Variants in CCNYL1 observed in about 807,000 individuals in gnomAD.
CCNYL1 encodes cyclin Y like 1.
Under a neutral mutation model 44.2 loss-of-function variants are expected in CCNYL1, and 16 were observed. The ratio of observed to expected loss-of-function variants is 0.36; its 90% confidence interval spans 0.25 to 0.55. The LOEUF (loss-of-function observed/expected upper bound fraction) is 0.55, where lower values mean the gene tolerates loss of function less well. Among genes scored for constraint, CCNYL1 ranks in the 20% least tolerant of loss-of-function variants. The probability of loss-of-function intolerance (pLI) is 0.85; values close to 1 mark genes in which losing one functional copy is unlikely to be tolerated. For synonymous variants in CCNYL1, 159 were observed against 163.2 expected, an observed-to-expected ratio of 0.97 and a Z score of 0.20; for missense variants, 348 against 451.8, an observed-to-expected ratio of 0.77 and a Z score of 2.08.
intron 1 of CCNYL1, among the ~76,000 whole-genome samples, chr2:207,716,062 G>T (rs938946378): frequency 6.6e-6 from 1 of 152,058 alleles, no homozygotes; most frequent in Admixed American, 6.6e-5. Flanking sequence ...TTTATTTAAC[G>T]GTATGTCTAA....
chr2:207,743,588 A>AAAAAG (rs1231833090), intron 7 of CCNYL1, among the ~76,000 whole-genome samples: 3 of 152,268 alleles, frequency 2.0e-5, no homozygotes, highest in African/African-American at 7.2e-5. Flanking sequence ...CCATCTCTAA[A>AAAAAG]AAAAGAAAAG....
intron 3 of CCNYL1, among the ~76,000 whole-genome samples, chr2:207,729,836 C>G (rs2091712635): frequency 6.6e-6 from 1 of 152,004 alleles, no homozygotes; most frequent in South Asian, 2.1e-4. Context: ...GTGCCTCGGT[C>G]TCTTGAGTGG....
intron 8 of CCNYL1, 78 bp downstream of exon 8, chr2:207,747,291 T>C (rs2091861145): frequency 8.4e-6 from 11 of 1,302,312 alleles, no homozygotes; most frequent in Non-Finnish European, 1.2e-5. Flanking sequence ...ATTTAAGGAA[T>C]ATTTTTAAAG....
intron 8 of CCNYL1, among the ~76,000 whole-genome samples, chr2:207,748,146 T>C (rs1179677390): frequency 6.6e-6 from 1 of 152,206 alleles, no homozygotes; most frequent in East Asian, 1.9e-4. Flanking sequence ...CCTTGAGATA[T>C]GAAGATCCCT....
Position 207,717,406 on chromosome 2 carries a change from GCTGTGTTCCAGA to G in CCNYL1, c.220+5291_220+5302del, listed in dbSNP as rs2091605377. On this transcript the variant is annotated intron_variant, in intron 1 of 9. Coordinates refer to ENST00000295414, the MANE Select transcript of CCNYL1 (RefSeq NM_001330218.2). ...TTATTGAGTACCTTTAGGTGGCCAG[GCTGTGTTCCAGA>G]TTTAGGGCAGACAGTGGTATACAAG... Among the ~76,000 whole-genome samples the G allele has an allele frequency of 2.0e-5, 3 of 152,158 alleles. 1 individual carries two copies. The South Asian group carries it at 6.2e-4, about 32-fold the overall frequency.
Position 207,754,855 on chromosome 2 carries a change from A to G in CCNYL1, c.*1157A>G, listed in dbSNP as rs2091919555. On this transcript the variant is annotated 3_prime_UTR_variant, in exon 10 of 10. Transcript: ENST00000295414. ...CGGTCACTCTTGATAGCAGACATTG[A>G]CTGAAACAAAAAATTAAAAGCTTTA... is the stretch of plus-strand genomic sequence containing the variant. The G allele has an allele frequency of 6.5e-6, 1 of 153,032 alleles. No homozygotes were observed. The highest frequency in any genetic ancestry group is 2.4e-5 in the African/African-American group (1 of 41,422). 9.5% of individuals were successfully genotyped at this position (153,032 alleles called of 1,614,324 possible). A position where few individuals can be genotyped will look rare whatever the true frequency, so the allele number is the denominator to read the frequency against.
intron 1 of CCNYL1, among the ~76,000 whole-genome samples, chr2:207,713,454 G>T (rs1222824424): frequency 6.6e-6 from 1 of 152,182 alleles, no homozygotes; most frequent in Non-Finnish European, 1.5e-5. Context: ...CGTTGAGGTA[G>T]GGGTGAGGGG....
chr2:207,742,439 C>A, intron 7 of CCNYL1, 97 bp downstream of exon 7: 1 of 1,133,290 alleles, frequency 8.8e-7, no homozygotes, highest in Non-Finnish European at 1.2e-6. Context: ...CTGAAATTAT[C>A]ATCAGAACTT....
chr2:207,751,966 C>A (rs1046202464), intron 9 of CCNYL1, among the ~76,000 whole-genome samples: 1 of 151,540 alleles, frequency 6.6e-6, no homozygotes, highest in African/African-American at 2.4e-5. Flanking sequence ...ACCTGGGAGG[C>A]GGAGGTTGCA....
At chr2:207,747,346 T>C in intron 8 of CCNYL1, 133 bp downstream of exon 8, 1 of 664,200 alleles carries the variant, frequency 1.5e-6, no homozygotes, top group Non-Finnish European at 2.4e-6. Flanking sequence ...ACTATATCTG[T>C]CTATCTTTAG....
intron 8 of CCNYL1, among the ~76,000 whole-genome samples, chr2:207,748,101 T>A (rs2091867623): frequency 6.6e-6 from 1 of 152,176 alleles, no homozygotes; most frequent in African/African-American, 2.4e-5. Flanking sequence ...TGCTAGTCTT[T>A]CCACATTTTA....
chr2:207,723,140 A>G (rs1160212440), intron 1 of CCNYL1, among the ~76,000 whole-genome samples: 2 of 152,210 alleles, frequency 1.3e-5, no homozygotes, highest in Non-Finnish European at 2.9e-5. Flanking sequence ...AGTTTCCTCT[A>G]AAAGCAGTTT....
At chr2:207,725,278 C>T (rs1429282948) in intron 2 of CCNYL1, among the ~76,000 whole-genome samples, 2 of 152,150 alleles carry the variant, frequency 1.3e-5, no homozygotes, top group Non-Finnish European at 1.5e-5. Context: ...AGGCATGAGC[C>T]ACCATGTCCG....
intron 1 of CCNYL1, 30 bp downstream of exon 1, chr2:207,712,146 C>T: frequency 6.4e-7 from 1 of 1,574,592 alleles, no homozygotes. Context: ...CATCCGCCCT[C>T]GGGCTCACCT....
In CCNYL1 at chr2:207,712,531, C is replaced by T. The variant is rs1421974257; in HGVS notation, c.220+415C>T. On this transcript the variant is annotated intron_variant, in intron 1 of 9. Transcript: ENST00000295414. ...CTCCCTTAACCCATCCAGATGGTACCTAAGTGAAGGAACCAGGTAAGGGTC... is the reference window on the plus strand; with the variant it reads ...CTCCCTTAACCCATCCAGATGGTACTTAAGTGAAGGAACCAGGTAAGGGTC... 2.6e-5 allele frequency among the ~76,000 whole-genome samples: 4 copies of T among 152,126 alleles called. No individual in the cohort carries two copies. In the East Asian group the frequency reaches 7.7e-4, roughly 29 times the overall value.
At chr2:207,716,992 C>T (rs572654052) in intron 1 of CCNYL1, among the ~76,000 whole-genome samples, 2 of 151,938 alleles carry the variant, frequency 1.3e-5, no homozygotes, top group Non-Finnish European at 2.9e-5. Context: ...GCCTGTAGTC[C>T]CAGCTACTCG....
At chr2:207,750,358 C>T (rs781357851) in intron 8 of CCNYL1, among the ~76,000 whole-genome samples, 6 of 152,118 alleles carry the variant, frequency 3.9e-5, no homozygotes, top group East Asian at 1.9e-4. Context: ...TAGCCTCATG[C>T]GCCGGGACAG....
chr2:207,752,087 C>G lies in CCNYL1; in HGVS notation c.969+968C>G, dbSNP rs143419904. 2.6e-5 allele frequency among the ~76,000 whole-genome samples: 4 copies of G among 151,534 alleles called. No homozygotes were observed. In the East Asian group the frequency reaches 7.8e-4, roughly 30 times the overall value. ...CTGTATTCCTAATTTTATCTACATA[C>G]ATAATTCACTTGCCACTCTTGACTG... is the stretch of plus-strand genomic sequence containing the variant. On this transcript the variant is annotated intron_variant, in intron 9 of 9. Coordinates refer to ENST00000295414, the MANE Select transcript of CCNYL1 (RefSeq NM_001330218.2).
chr2:207,737,114 A>G (rs980489546), intron 4 of CCNYL1, among the ~76,000 whole-genome samples: 33 of 152,176 alleles, frequency 2.2e-4, no homozygotes, highest in Non-Finnish European at 3.7e-4. Flanking sequence ...ACGGGGTTTC[A>G]CCGTGTTAGC....
Sources: gnomAD v4.1 joint callset for allele counts (sites outside exome capture counted in the v4.1 genomes callset) on GRCh38, gnomAD v4.1.1 for gene constraint, MANE v1.5 for transcripts, NCBI Gene and HGNC (gene_info 2026-07-23, HGNC 2026-07-21) for gene names.